Variants in RBPJ observed in about 807,000 individuals in gnomAD.
RBPJ encodes the protein recombination signal binding protein for immunoglobulin kappa J region, also known as recombining binding protein suppressor of hairless.
A neutral mutation model predicts 67.8 loss-of-function variants in RBPJ; 9 were observed. The observed-to-expected ratio is 0.13, with a 90% CI of 0.08 to 0.23. The LOEUF (loss-of-function observed/expected upper bound fraction) is 0.23, where lower values mean the gene tolerates loss of function less well. Among genes scored for constraint, RBPJ ranks in the 10% least tolerant of loss-of-function variants. The pLI, the probability that RBPJ is intolerant of heterozygous loss-of-function variation, is 1.00. For missense variants in RBPJ, 305 were observed against 595.6 expected (o/e 0.51, Z 5.08); for synonymous variants, 198 against 203.3 (o/e 0.97, Z 0.22).
At chr4:26,411,045 T>C (rs1733958635) in intron 3 of RBPJ, among the ~76,000 whole-genome samples, 1 of 152,188 alleles carries the variant, frequency 6.6e-6, no homozygotes, top group East Asian at 1.9e-4. Flanking sequence ...GAGTGTTTGA[T>C]ACATATTGAC....
At chr4:26,398,091 T>C (rs1233764549) in intron 2 of RBPJ, among the ~76,000 whole-genome samples, 2 of 152,174 alleles carry the variant, frequency 1.3e-5, no homozygotes, top group East Asian at 3.8e-4. Context: ...TGTGTGTGTG[T>C]GTGATTACTT....
chr4:26,290,459 T>G (rs1226165096), intron 1 of RBPJ, among the ~76,000 whole-genome samples: 1 of 150,518 alleles, frequency 6.6e-6, no homozygotes, highest in African/African-American at 2.4e-5. Flanking sequence ...CCAGCCCAGT[T>G]TGGCCTGGGT....
At chr4:26,152,224 T>C in the RBPJ span, among the ~76,000 whole-genome samples, 5 of 152,222 alleles carry the variant, frequency 3.3e-5, no homozygotes, top group Non-Finnish European at 7.3e-5. Flanking sequence ...CTATGGGACT[T>C]GTGTTGGCTA....
chr4:26,335,454 A>G (rs1323211378), intron 1 of RBPJ, among the ~76,000 whole-genome samples: 1 of 151,850 alleles, frequency 6.6e-6, no homozygotes, highest in Non-Finnish European at 1.5e-5. Flanking sequence ...TGCTGGGATT[A>G]CAGGCATGAG....
the RBPJ span, among the ~76,000 whole-genome samples, chr4:26,121,951 T>A: frequency 2.7e-5 from 4 of 149,138 alleles, no homozygotes; most frequent in East Asian, 7.9e-4. Flanking sequence ...CACTTTTTCA[T>A]GGGAGAAACA....
At chr4:26,142,789 A>T in the RBPJ span, among the ~76,000 whole-genome samples, 27 of 151,080 alleles carry the variant, frequency 1.8e-4, no homozygotes, top group Middle Eastern at 3.4e-3. Context: ...TGTGTGTGTG[A>T]GAGAGAGAGA....
the RBPJ span, among the ~76,000 whole-genome samples, chr4:26,144,393 C>A: frequency 6.6e-6 from 1 of 151,618 alleles, no homozygotes; most frequent in African/African-American, 2.4e-5. Flanking sequence ...CCTCAGCCCC[C>A]CGAGTAGCTG....
Position 26,428,798 on chromosome 4 carries a change from T to C in RBPJ, c.826T>C (p.Tyr276His). ...PVSQLHKCAF[Y>H]LKDTERMYLC... is the part of the protein sequence containing the mutation. ...GTCACAACTCCATAAATGTGCATTT[T>C]ACCTTAAGGATACAGAAAGAATGTA... Residue 276 changes from tyrosine to histidine, a missense_variant, in exon 8 of 11, where the codon TAC (tyrosine) becomes CAC (histidine). Tyr to His is a moderately conservative substitution (Grantham distance 83). Around this residue, in one of 7 missense-constraint regions of RBPJ, gnomAD observed 66 missense variants for 226.0 expected, o/e 0.29. Transcript: ENST00000355476. The C allele has an allele frequency of 5.0e-6, 8 of 1,605,184 alleles. No homozygotes were observed. Among genetic ancestry groups the C allele is most frequent in the Non-Finnish European group, 6.8e-6 (8 of 1,172,048 alleles).
chr4:26,307,986 G>T (rs1722291076), intron 1 of RBPJ, among the ~76,000 whole-genome samples: 1 of 152,050 alleles, frequency 6.6e-6, no homozygotes, highest in Admixed American at 6.5e-5. Flanking sequence ...TTTAAATAGA[G>T]TTTCTCTAGG....
At chr4:26,300,475 T>G (rs956959580) in intron 1 of RBPJ, among the ~76,000 whole-genome samples, 1 of 152,232 alleles carries the variant, frequency 6.6e-6, no homozygotes, top group Admixed American at 6.5e-5. Context: ...TGTTGTATTG[T>G]TTGAAACCTT....
intron 1 of RBPJ, among the ~76,000 whole-genome samples, chr4:26,215,417 A>AAGGG (rs1718689404): frequency 3.7e-5 from 3 of 81,206 alleles, no homozygotes; most frequent in African/African-American, 8.9e-5. Flanking sequence ...GGAAGGAAGG[A>AAGGG]AGGGAGGGAG....
chr4:26,124,218 C>A, the RBPJ span, among the ~76,000 whole-genome samples: 2 of 151,728 alleles, frequency 1.3e-5, no homozygotes, highest in African/African-American at 4.8e-5. Context: ...ACCCTGTCCC[C>A]CTGAGTCCCC....
At chr4:26,420,961 G>A in intron 5 of RBPJ, 1 of 431,726 alleles carries the variant, frequency 2.3e-6, no homozygotes, top group Non-Finnish European at 4.1e-6. Flanking sequence ...GGAAATGGGA[G>A]ATTTTCTCCT....
chr4:26,320,741 A>T (rs1722928010), upstream of RBPJ: 2 of 1,551,754 alleles, frequency 1.3e-6, no homozygotes, highest in African/African-American at 2.7e-5. Flanking sequence ...AAACCCGGAT[A>T]ACCGGAGCGC....
chr4:26,206,294 T>C (rs777629645), intron 1 of RBPJ, among the ~76,000 whole-genome samples: 1 of 152,206 alleles, frequency 6.6e-6, no homozygotes, highest in Non-Finnish European at 1.5e-5. Flanking sequence ...TGACAAGTCT[T>C]GGTGATAACT....
At chr4:26,320,777 G>C (rs762019470), upstream of RBPJ, 172 of 1,554,644 alleles carry the variant, frequency 1.1e-4, no homozygotes, top group Non-Finnish European at 1.4e-4. Context: ...CGGAGGGCTC[G>C]CCCGCGGAGG....
At chr4:26,263,729 G>A (rs1216993189) in intron 1 of RBPJ, among the ~76,000 whole-genome samples, 1 of 151,926 alleles carries the variant, frequency 6.6e-6, no homozygotes, top group Non-Finnish European at 1.5e-5. Context: ...GTGCCACCAC[G>A]CCCAGCTAAT....
intron 1 of RBPJ, among the ~76,000 whole-genome samples, chr4:26,243,422 G>T (rs147101861): frequency 6.6e-6 from 1 of 152,324 alleles, no homozygotes; most frequent in Non-Finnish European, 1.5e-5. Flanking sequence ...TAGAATTGTG[G>T]ATTGCTTGTA....
intron 4 of RBPJ, among the ~76,000 whole-genome samples, chr4:26,416,440 G>A (rs1396593804): frequency 6.6e-6 from 1 of 152,068 alleles, no homozygotes; most frequent in Admixed American, 6.6e-5. Context: ...ATGTTACCTA[G>A]GCTGGTCTTG....
Sources: allele counts gnomAD v4.1 joint callset (sites outside exome capture counted in the v4.1 genomes callset), GRCh38; gene constraint gnomAD v4.1.1; regional missense constraint gnomAD v4.1.1; transcripts MANE v1.5; gene names NCBI Gene and HGNC (gene_info 2026-07-23, HGNC 2026-07-21).